Variants in TMEM232 observed in about 807,000 individuals in gnomAD.
TMEM232 encodes transmembrane protein 232.
Under a neutral mutation model 78.8 loss-of-function variants are expected in TMEM232, and 80 were observed. The observed-to-expected ratio is 1.01, with a 90% confidence interval of 0.85 to 1.22. The LOEUF (loss-of-function observed/expected upper bound fraction) is 1.22. TMEM232 is among the 50% of genes most tolerant of loss of function. The pLI is 0.00. For missense variants in TMEM232, 881 were observed against 742.2 expected (o/e 1.19, Z -2.17); for synonymous variants, 297 against 254.3 (o/e 1.17, Z -1.60).
chr5:110,465,082 T>G (rs185178525), intron 12 of TMEM232, among the ~76,000 whole-genome samples: 24 of 152,362 alleles, frequency 1.6e-4, no homozygotes, highest in Non-Finnish European at 3.1e-4. Context: ...AGGATAGCAC[T>G]ACCAAATGAT....
chr5:110,642,479 C>T (rs868660739), intron 2 of TMEM232, 108 bp from the exon 3 acceptor site: 250 of 737,274 alleles, frequency 3.4e-4, no homozygotes, highest in Middle Eastern at 1.6e-3. Context: ...AGCAAAAATA[C>T]TTTCTTAATA....
chr5:110,603,817 T>C (rs1436457264), intron 10 of TMEM232, among the ~76,000 whole-genome samples: 2 of 152,158 alleles, frequency 1.3e-5, no homozygotes, highest in African/African-American at 4.8e-5. Flanking sequence ...TTTCAATCTA[T>C]TGATTAAGCC....
chr5:110,428,560 G>A (rs962663994), intron 12 of TMEM232, among the ~76,000 whole-genome samples: 1 of 151,352 alleles, frequency 6.6e-6, no homozygotes, highest in Non-Finnish European at 1.5e-5. Context: ...ACATCAAATT[G>A]ACCTAATCAC....
intron 1 of TMEM232, among the ~76,000 whole-genome samples, chr5:110,695,741 A>G (rs887297852): frequency 3.9e-4 from 60 of 152,164 alleles, no homozygotes; most frequent in African/African-American, 1.3e-3. Context: ...ACCCTCCAAA[A>G]ACTAAACCAG....
At chr5:110,417,128 G>T (rs774254806), downstream of TMEM232, among the ~76,000 whole-genome samples, 1 of 152,074 alleles carries the variant, frequency 6.6e-6, no homozygotes, top group African/African-American at 2.4e-5. Context: ...ATAAATGTAG[G>T]GAGTCTTGAG....
chr5:110,705,961 G>A (rs141580336), intron 1 of TMEM232, among the ~76,000 whole-genome samples: 3 of 151,954 alleles, frequency 2.0e-5, no homozygotes, highest in Admixed American at 6.6e-5. Context: ...AAAGGAATGA[G>A]ACTATAACTG....
chr5:110,664,571 C>G (rs1381807822), intron 2 of TMEM232, among the ~76,000 whole-genome samples: 1 of 152,198 alleles, frequency 6.6e-6, no homozygotes, highest in Non-Finnish European at 1.5e-5. Context: ...CAATATGTGT[C>G]ACAGGCTACT....
At chr5:110,703,571 C>T (rs1370761005) in intron 1 of TMEM232, among the ~76,000 whole-genome samples, 2 of 151,972 alleles carry the variant, frequency 1.3e-5, no homozygotes, top group East Asian at 1.9e-4. Flanking sequence ...TACCTCCAGA[C>T]CAAGGTTATA....
chr5:110,581,077 G>A (rs1038808204), intron 10 of TMEM232, among the ~76,000 whole-genome samples: 1 of 151,526 alleles, frequency 6.6e-6, no homozygotes, highest in African/African-American at 2.4e-5. Flanking sequence ...TCATAAAATG[G>A]CTATACTGCC....
At chr5:110,649,711 G>A (rs114959763) in intron 2 of TMEM232, among the ~76,000 whole-genome samples, 4 of 152,008 alleles carry the variant, frequency 2.6e-5, no homozygotes, top group African/African-American at 9.7e-5. Flanking sequence ...GAATCTTTTC[G>A]AGTATGAAGG....
intron 8 of TMEM232, among the ~76,000 whole-genome samples, chr5:110,611,438 A>T (rs906949040): frequency 1.3e-5 from 2 of 151,974 alleles, no homozygotes; most frequent in African/African-American, 4.8e-5. Context: ...CTGGTGTGGG[A>T]GAGTGAAGGG....
rs1290517064 is a variant in TMEM232, at chr5:110,587,685, ATATATATGTGTGTGTGTGTGTG to A, written c.1276+17402_1276+17423del. Among the ~76,000 whole-genome samples the A allele has an allele frequency of 4.5e-4, 41 of 90,644 alleles. 1 individual carries two copies. The highest frequency in any genetic ancestry group is 1.9e-3 in the Admixed American group (17 of 8,726). 59.5% of individuals were successfully genotyped at this position (90,644 alleles called of 152,430 possible). The stretch of plus-strand genomic sequence containing the variant: ...TATGTATATATATATATATATATAT[ATATATATGTGTGTGTGTGTGTG>A]TGTGTGTGTGTGTGTGTGTGTGTGT... On this transcript the variant is annotated intron_variant, in intron 10 of 13. Transcript: ENST00000455884.
chr5:110,457,500 G>T (rs1413936366), intron 12 of TMEM232, among the ~76,000 whole-genome samples: 1 of 152,044 alleles, frequency 6.6e-6, no homozygotes, highest in African/African-American at 2.4e-5. Flanking sequence ...TCACGCCTCG[G>T]TATTTAGCCA....
intron 12 of TMEM232, among the ~76,000 whole-genome samples, chr5:110,467,677 A>G (rs977994655): frequency 2.6e-5 from 4 of 152,234 alleles, no homozygotes; most frequent in Non-Finnish European, 4.4e-5. Flanking sequence ...AAAATATTCA[A>G]ATAATATTTC....
chr5:110,457,787 T>C (rs1761058739), intron 12 of TMEM232, among the ~76,000 whole-genome samples: 1 of 152,046 alleles, frequency 6.6e-6, no homozygotes, highest in African/African-American at 2.4e-5. Context: ...TAAAATGGAA[T>C]GCAAATAAGA....
At chr5:110,729,322 C>T (rs1580816137), upstream of TMEM232, among the ~76,000 whole-genome samples, 1 of 152,156 alleles carries the variant, frequency 6.6e-6, no homozygotes, top group Admixed American at 6.6e-5. Context: ...AATATACTTG[C>T]CCACTCACTC....
chr5:110,551,278 C>A (rs1438113525), intron 11 of TMEM232, among the ~76,000 whole-genome samples: 2 of 152,274 alleles, frequency 1.3e-5, no homozygotes, highest in East Asian at 1.9e-4. Context: ...GGCTGGAGTG[C>A]AGTGGCCCAA....
At chr5:110,707,167 A>G (rs115191872) in intron 1 of TMEM232, among the ~76,000 whole-genome samples, 1,853 of 152,248 alleles carry the variant, frequency 0.012, 47 homozygotes, top group African/African-American at 0.042. Context: ...GCACACAGAA[A>G]AGCACTATCA....
chr5:110,414,411 T>C (rs1211831104), intron 2 of TMEM232, among the ~76,000 whole-genome samples: 2 of 152,228 alleles, frequency 1.3e-5, no homozygotes, highest in Non-Finnish European at 2.9e-5. Context: ...GATTGATGCA[T>C]ACATGTTTAG....
Sources: gnomAD v4.1 joint callset for allele counts (sites outside exome capture counted in the v4.1 genomes callset) on GRCh38, gnomAD v4.1.1 for gene constraint, MANE v1.5 for transcripts, NCBI Gene and HGNC (gene_info 2026-07-23, HGNC 2026-07-21) for gene names.